Variants in CASZ1 observed in about 807,000 individuals in gnomAD.
CASZ1 encodes the protein castor zinc finger 1, also known as zinc finger protein castor homolog 1.
CASZ1 carries 28 observed loss-of-function variants against 135.2 expected under a neutral mutation model. The observed-to-expected ratio is 0.21, with a 90% CI of 0.15 to 0.28. The LOEUF (loss-of-function observed/expected upper bound fraction) is 0.28. Ranked by LOEUF, CASZ1 falls within the 10% of genes least tolerant of loss-of-function variation. The pLI is 1.00. For synonymous variants in CASZ1, 1,068 were observed against 1,073.4 expected, an observed-to-expected ratio of 0.99 and a Z score of 0.10; for missense variants, 2,161 against 2,453.3, an observed-to-expected ratio of 0.88 and a Z score of 2.52.
At position 10,700,615 on chromosome 1, in the gene CASZ1, C is replaced by A. The variant is rs937371985; in HGVS notation, c.-24+4877G>T. On this transcript the variant is annotated intron_variant, in intron 3 of 20. Coordinates refer to ENST00000377022, the MANE Select transcript of CASZ1 (RefSeq NM_001079843.3). This position sits in a 1 kb window ranked among gnomAD's most constrained non-coding sequence, Gnocchi z 4.2. The stretch of plus-strand genomic sequence containing the variant: ...AGCAATCCCTCATGGAGCACCAGCT[C>A]TGGAGTCTCAGTACCTGGGTTCACA... Among the ~76,000 whole-genome samples the A allele has an allele frequency of 1.3e-5, 2 of 152,176 alleles. 1 individual carries two copies. The highest frequency in any genetic ancestry group is 4.8e-5 in the African/African-American group (2 of 41,420).
rs1332494133 is a variant in CASZ1 at position 10,657,468 on chromosome 1, C to G, written c.1410-732G>C. 6.6e-6 allele frequency among the ~76,000 whole-genome samples: 1 copy of G among 152,188 alleles called. No homozygotes were observed. The highest frequency in any genetic ancestry group is 1.5e-5 in the Non-Finnish European group (1 of 68,044). The stretch of plus-strand genomic sequence containing the variant: ...GACTGAAGTGAGATTGCAGGAGACA[C>G]AGAGAGAAACCCCATACTGTAATGG... On this transcript the variant is annotated intron_variant, in intron 7 of 20. Coordinates refer to ENST00000377022, the MANE Select transcript of CASZ1 (RefSeq NM_001079843.3). This position sits in a 1 kb window ranked among gnomAD's most constrained non-coding sequence, Gnocchi z 5.7.
At chr1:10,793,762 CTG>C (rs1027870587) in intron 1 of CASZ1, among the ~76,000 whole-genome samples, 2 of 151,864 alleles carry the variant, frequency 1.3e-5, no homozygotes, top group Non-Finnish European at 2.9e-5. Context: ...TCGCCGGACT[CTG>C]GGGACAGAGA....
rs1339000621 is a variant in CASZ1 at position 10,794,456 on chromosome 1, C to T, written c.-234+2108G>A. 3.4e-5 allele frequency among the ~76,000 whole-genome samples: 5 copies of T among 149,088 alleles called. No homozygotes were observed. The highest frequency in any genetic ancestry group is 2.1e-4 in the South Asian group (1 of 4,782). The stretch of plus-strand genomic sequence containing the variant: ...TCGGTCAGAAACGCACACTCCGCCC[C>T]GTGGCCCAGTGATCCAGGTTTGGGG... On this transcript the variant is annotated intron_variant, in intron 1 of 20. Transcript: ENST00000377022. The surrounding 1 kb of genome is among the most constrained non-coding windows in gnomAD (Gnocchi z 5.6).
chr1:10,653,836 A>G lies in CASZ1; in HGVS notation c.2221T>C (p.Ser741Pro). The part of the protein sequence containing the change: ...LSSKNSSLSA[S>P]PTSQQSSASL... ...GCAGAGGACTGCTGGCTGGTAGGGG[A>G]GGCGCTCAGGCTGGAGTTCTTGCTG... The change falls in exon 11 of 21, where the codon TCC becomes CCC. Residue 741 changes from serine to proline, a missense_variant. By Grantham distance (74) the Ser-to-Pro change is moderately conservative. This residue lies in a region of CASZ1 where 406 missense variants were observed against 387.6 expected (regional missense o/e 1.05). Coordinates refer to ENST00000377022, the MANE Select transcript of CASZ1 (RefSeq NM_001079843.3). 1 of 1,608,296 alleles carries G rather than the reference A, an allele frequency of 6.2e-7. No individual in the cohort carries two copies. The highest frequency in any genetic ancestry group is 8.5e-7 in the Non-Finnish European group (1 of 1,176,300).
At position 10,646,808 on chromosome 1, in the gene CASZ1, G is replaced by A. The variant is rs896172274; in HGVS notation, c.3498-482C>T. On this transcript the variant is annotated intron_variant, in intron 16 of 20. Coordinates refer to ENST00000377022, the MANE Select transcript of CASZ1 (RefSeq NM_001079843.3). The surrounding 1 kb of genome is among the most constrained non-coding windows in gnomAD (Gnocchi z 6.4). ...CCACAGGCCCTTAGCAAGCAGGAGC[G>A]CGTGCCTGGTGTCAGCTCCTGGGGG... 2.6e-5 allele frequency among the ~76,000 whole-genome samples: 4 copies of A among 152,178 alleles called. No homozygotes were observed. The highest frequency in any genetic ancestry group is 5.9e-5 in the Non-Finnish European group (4 of 68,020).
chr1:10,713,827 G>A (rs1362512878), intron 2 of CASZ1, among the ~76,000 whole-genome samples: 1 of 152,234 alleles, frequency 6.6e-6, no homozygotes, highest in Non-Finnish European at 1.5e-5. Context: ...GGCCGCCCCT[G>A]TGCCAGAAAA....
rs1394648278 is a variant in CASZ1 at position 10,761,584 on chromosome 1, C to T, written c.-233-727G>A. ...CCAAAGAAAGTTGGTGCCCTGCTAC[C>T]GGCAACCTTTGTGTCAATTTAAACA... On this transcript the variant is annotated intron_variant, in intron 1 of 20. Coordinates refer to ENST00000377022, the MANE Select transcript of CASZ1 (RefSeq NM_001079843.3). Among the ~76,000 whole-genome samples the T allele has an allele frequency of 3.3e-5, 5 of 152,256 alleles. No homozygotes were observed. In the East Asian group the frequency reaches 9.6e-4, roughly 29 times the overall value.
intron 2 of CASZ1, among the ~76,000 whole-genome samples, chr1:10,754,457 G>C (rs569112809): frequency 6.6e-6 from 1 of 152,144 alleles, no homozygotes; most frequent in Non-Finnish European, 1.5e-5. Flanking sequence ...CACCTCTTCC[G>C]GCTCTGAACC....
At chr1:10,663,276 G>C (rs1354868608) in intron 5 of CASZ1, among the ~76,000 whole-genome samples, 1 of 152,172 alleles carries the variant, frequency 6.6e-6, no homozygotes, top group Non-Finnish European at 1.5e-5. Flanking sequence ...GGGAGGGGAG[G>C]ACACCTGGCG....
Position 10,665,501 on chromosome 1 carries a change from C to T in CASZ1, c.87G>A (p.Leu29=). Residue 29 remains leucine (L), a synonymous_variant, in exon 5 of 21, where the codon CTG becomes CTA. Coordinates refer to ENST00000377022, the MANE Select transcript of CASZ1 (RefSeq NM_001079843.3). ...GCTTGGCGCAGATGGCGTTCAGCTT[C>T]AGGCCACCCTTGCGTTTGGGCGCCA... is the stretch of plus-strand genomic sequence containing the variant. The part of the protein sequence containing the change: ...PAMAPKRKGG[L]KLNAICAKLS... 2 of 1,604,940 alleles carry T rather than the reference C, an allele frequency of 1.2e-6. No individual in the cohort carries two copies. Among genetic ancestry groups the T allele is most frequent in the East Asian group, 4.5e-5 (2 of 44,842 alleles).
chr1:10,643,268 C>G lies in CASZ1; in HGVS notation c.3912G>C (p.Arg1304=), dbSNP rs548153299. The G allele has an allele frequency of 2.2e-5, 36 of 1,613,158 alleles. No individual in the cohort carries two copies. In the South Asian group the frequency reaches 4.0e-4, roughly 18 times the overall value. ...NQVNSHFHCI[R]EGCQFSFLLK... ...GGAGGAAGGAGAACTGGCAGCCCTC[C>G]CGGATGCAGTGGAAGTGGCTGTTCA... Residue 1304 remains arginine (R), a synonymous_variant, in exon 19 of 21, where the codon CGG becomes CGC. Transcript: ENST00000377022.
At chr1:10,704,608 C>T (rs1227606300) in intron 3 of CASZ1, 3 of 152,298 alleles carry the variant, frequency 2.0e-5, no homozygotes, top group African/African-American at 4.8e-5. Context: ...GCCGGTCGGT[C>T]GCAGCCGGGG....
Position 10,642,883 on chromosome 1 carries a change from C to A in CASZ1, c.4138G>T (p.Val1380Leu), listed in dbSNP as rs375809156. 6.2e-7 allele frequency: 1 copy of A among 1,612,822 alleles called. No individual in the cohort carries two copies. Among genetic ancestry groups the A allele is most frequent in the African/African-American group, 1.3e-5 (1 of 74,946 alleles). Residue 1380 changes from valine to leucine, a missense_variant, in exon 20 of 21, where the codon GTG (valine) becomes TTG (leucine). Physicochemically the swap from Val to Leu is conservative, Grantham distance 32. Around this residue, in one of 7 missense-constraint regions of CASZ1, gnomAD observed 143 missense variants for 128.3 expected, o/e 1.11. Transcript: ENST00000377022. ...CCTGCCGCGGTGCTCTCGTTACCCA[C>A]GGGGGTGCTGGAGCAGCTCCGGTCC... Reference protein sequence around the residue: ...TMDRSCSSTPVGNESTAAGNT... With the variant: ...TMDRSCSSTPLGNESTAAGNT...
intron 1 of CASZ1, among the ~76,000 whole-genome samples, chr1:10,775,327 C>A (rs895901036): frequency 6.6e-6 from 1 of 152,208 alleles, no homozygotes; most frequent in African/African-American, 2.4e-5. Context: ...CTACCTATAA[C>A]CATCATCCAG....
rs538624767 is a variant in CASZ1, at chr1:10,708,876, G to T, written c.-76-3332C>A. Among the ~76,000 whole-genome samples the T allele has an allele frequency of 7.3e-5, 11 of 151,658 alleles. No homozygotes were observed. The South Asian group carries it at 2.3e-3, about 32-fold the overall frequency. ...TGCAGGCGGCTCGGAGTGGGGCCTG[G>T]TGGGCTGGGCGCTGGGAGGACCAGA... is the stretch of plus-strand genomic sequence containing the variant. On this transcript the variant is annotated intron_variant, in intron 2 of 20. Transcript: ENST00000377022.
Position 10,638,864 on chromosome 1 carries a change from C to T in CASZ1, c.*78G>A. 1 of 981,478 alleles carries T rather than the reference C, an allele frequency of 1.0e-6. No homozygotes were observed. Among genetic ancestry groups the T allele is most frequent in the African/African-American group, 1.8e-5 (1 of 57,054 alleles). The allele number at this position is 981,478 out of a possible 1,614,324, so 60.8% of individuals were successfully genotyped here. On this transcript the variant is annotated 3_prime_UTR_variant, in exon 21 of 21. Transcript: ENST00000377022. The surrounding 1 kb of genome is among the most constrained non-coding windows in gnomAD (Gnocchi z 5.9). ...CACCGGCGGGGCGCGGGGCTCTGCCCAGGGGCCGCTTCGCGCGGGGCGGCG... is the reference window on the plus strand; with the variant it reads ...CACCGGCGGGGCGCGGGGCTCTGCCTAGGGGCCGCTTCGCGCGGGGCGGCG...
chr1:10,707,925 T>C lies in CASZ1; in HGVS notation c.-76-2381A>G, dbSNP rs574239207. Among the ~76,000 whole-genome samples, 3 of 152,170 alleles carry C rather than the reference T, an allele frequency of 2.0e-5. No individual in the cohort carries two copies. The East Asian group carries it at 5.8e-4, about 29-fold the overall frequency. Reference sequence around the variant, plus strand: ...CCAGAGGACAGCAGGGGCCCTACACTCAGCGGGGCTGAAGTGAAGTGAACT... The same window carrying C: ...CCAGAGGACAGCAGGGGCCCTACACCCAGCGGGGCTGAAGTGAAGTGAACT... On this transcript the variant is annotated intron_variant, in intron 2 of 20. Coordinates refer to ENST00000377022, the MANE Select transcript of CASZ1 (RefSeq NM_001079843.3). This position sits in a 1 kb window ranked among gnomAD's most constrained non-coding sequence, Gnocchi z 5.0.
intron 4 of CASZ1, among the ~76,000 whole-genome samples, chr1:10,673,083 C>T (rs952426883): frequency 7.4e-5 from 11 of 148,302 alleles, no homozygotes; most frequent in Non-Finnish European, 1.2e-4. Flanking sequence ...CCGAGGGGGG[C>T]GGGAGCCTGG....
At chr1:10,695,431 A>G (rs1218933717) in intron 3 of CASZ1, among the ~76,000 whole-genome samples, 1 of 150,310 alleles carries the variant, frequency 6.7e-6, no homozygotes, top group Non-Finnish European at 1.5e-5. Context: ...CTTTCCCCAC[A>G]GCCCCCGACC....
Sources: allele counts gnomAD v4.1 joint callset (sites outside exome capture counted in the v4.1 genomes callset), GRCh38; gene constraint gnomAD v4.1.1; regional missense constraint gnomAD v4.1.1; non-coding constraint Gnocchi (gnomAD v3.1); transcripts MANE v1.5; gene names NCBI Gene and HGNC (gene_info 2026-07-23, HGNC 2026-07-21).